Variants in UST observed in about 807,000 individuals in gnomAD.
UST encodes chondroitin sulfate 2-O-sulfotransferase.
Under a neutral mutation model 45.6 loss-of-function variants are expected in UST, and 21 were observed. The observed-to-expected ratio is 0.46, with a 90% CI of 0.33 to 0.66. UST has a LOEUF of 0.66. Among genes scored for constraint, UST ranks in the 30% least tolerant of loss-of-function variants. The pLI, the probability that UST is intolerant of heterozygous loss-of-function variation, is 0.02. For missense variants in UST, 463 were observed against 512.4 expected (o/e 0.90, Z 0.93); for synonymous variants, 215 against 200.6 (o/e 1.07, Z -0.61).
At chr6:148,838,117 G>GATAGAGTGAAGGA (rs1265243005) in intron 1 of UST, among the ~76,000 whole-genome samples, 1 of 152,214 alleles carries the variant, frequency 6.6e-6, no homozygotes, top group African/African-American at 2.4e-5. Flanking sequence ...AGCAACTAGG[G>GATAGAGTGAAGGA]ATAGAGTGAA....
At chr6:148,887,319 A>G (rs1778930286) in intron 2 of UST, among the ~76,000 whole-genome samples, 1 of 152,160 alleles carries the variant, frequency 6.6e-6, no homozygotes, top group Non-Finnish European at 1.5e-5. Flanking sequence ...CCTCATTTTC[A>G]TTTGCCTTGG....
chr6:148,754,724 TAAATA>T (rs1309320928), intron 1 of UST, among the ~76,000 whole-genome samples: 2 of 152,228 alleles, frequency 1.3e-5, no homozygotes, highest in African/African-American at 4.8e-5. Flanking sequence ...GATACTGACT[TAAATA>T]CAATACTGTT....
chr6:149,028,982 A>T (rs879442173), intron 7 of UST, among the ~76,000 whole-genome samples: 5 of 152,206 alleles, frequency 3.3e-5, no homozygotes, highest in Non-Finnish European at 4.4e-5. Context: ...ACTTCAGAAC[A>T]CTAAATTAAT....
chr6:148,999,932 TC>T (rs1781516121), intron 5 of UST, among the ~76,000 whole-genome samples: 1 of 152,144 alleles, frequency 6.6e-6, no homozygotes, highest in African/African-American at 2.4e-5. Flanking sequence ...AAAGAGGAAA[TC>T]CAAAGGATTT....
rs1273665993 is a variant in UST at position 148,829,138 on chromosome 6, CTGGGATGGA to C, written c.248-57844_248-57836del. 9.6e-5 allele frequency among the ~76,000 whole-genome samples: 13 copies of C among 135,342 alleles called. No homozygotes were observed. The South Asian group carries it at 1.3e-3, about 13-fold the overall frequency. 88.8% of individuals were successfully genotyped at this position (135,342 alleles called of 152,430 possible). On this transcript the variant is annotated intron_variant, in intron 1 of 7. Coordinates refer to ENST00000367463, the MANE Select transcript of UST (RefSeq NM_005715.3). ...CAAAGTGGACATTTCAAGTTAAGCC[CTGGGATGGA>C]TGGATGGATGGATGGATGGATGGAT...
intron 7 of UST, among the ~76,000 whole-genome samples, chr6:149,067,411 T>G (rs949849430): frequency 1.3e-5 from 2 of 152,192 alleles, no homozygotes; most frequent in Non-Finnish European, 2.9e-5. Context: ...AGTTGCCATA[T>G]TTGGCGGTCA....
chr6:149,015,033 G>A lies in UST; in HGVS notation c.682-4106G>A, dbSNP rs1360808021. On this transcript the variant is annotated intron_variant, in intron 5 of 7. Coordinates refer to ENST00000367463, the MANE Select transcript of UST (RefSeq NM_005715.3). ...ATCATCCTGTGGGGGTGAAGAGGGG[G>A]TGTGGGAGTAAGGGTGAGAGAGGCC... is the stretch of plus-strand genomic sequence containing the variant. Among the ~76,000 whole-genome samples, 4 of 152,078 alleles carry A rather than the reference G, an allele frequency of 2.6e-5. No homozygotes were observed. In the South Asian group the frequency reaches 6.2e-4, roughly 24 times the overall value.
At chr6:148,962,483 C>T (rs559042659) in intron 4 of UST, among the ~76,000 whole-genome samples, 1 of 152,352 alleles carries the variant, frequency 6.6e-6, no homozygotes, top group Non-Finnish European at 1.5e-5. Context: ...CAAGCCTTGT[C>T]TTCCTAGTCC....
intron 1 of UST, among the ~76,000 whole-genome samples, chr6:148,860,756 C>A (rs1778296993): frequency 6.6e-6 from 1 of 152,108 alleles, no homozygotes. Flanking sequence ...GAGATAATCA[C>A]ATGGTTTTTG....
At chr6:148,804,371 TG>T (rs1777109417) in intron 1 of UST, among the ~76,000 whole-genome samples, 1 of 152,190 alleles carries the variant, frequency 6.6e-6, no homozygotes, top group Non-Finnish European at 1.5e-5. Flanking sequence ...CCCTGTTGTC[TG>T]TCTGCACTGT....
intron 1 of UST, among the ~76,000 whole-genome samples, chr6:148,794,948 C>T (rs1369236427): frequency 2.0e-5 from 3 of 152,238 alleles, no homozygotes; most frequent in Non-Finnish European, 2.9e-5. Context: ...TTGACGGCTG[C>T]GTTGTCTTTT....
intron 1 of UST, among the ~76,000 whole-genome samples, chr6:148,751,910 C>T (rs1046084003): frequency 7.2e-5 from 11 of 152,192 alleles, no homozygotes; most frequent in African/African-American, 2.4e-4. Context: ...TTGATATAAA[C>T]AGAATAAGCC....
At chr6:148,751,351 G>A (rs1165417371) in intron 1 of UST, among the ~76,000 whole-genome samples, 5 of 152,162 alleles carry the variant, frequency 3.3e-5, no homozygotes, top group African/African-American at 9.7e-5. Flanking sequence ...ACCCCAGCTG[G>A]CTTTAGACCT....
intron 7 of UST, among the ~76,000 whole-genome samples, chr6:149,068,434 A>T (rs1187292023): frequency 1.3e-5 from 2 of 152,208 alleles, no homozygotes; most frequent in African/African-American, 4.8e-5. Flanking sequence ...ACAAGTGCTT[A>T]GCTCAGTGCT....
chr6:148,933,118 T>G (rs9322159), intron 2 of UST, among the ~76,000 whole-genome samples: 12,457 of 152,292 alleles, frequency 0.082, 681 homozygotes, highest in East Asian at 0.17. Flanking sequence ...ATACTTTTTC[T>G]TCTGTAACGT....
chr6:148,749,030 G>C (rs150612265), intron 1 of UST, among the ~76,000 whole-genome samples: 1 of 151,998 alleles, frequency 6.6e-6, no homozygotes, highest in Non-Finnish European at 1.5e-5. Flanking sequence ...TGTAGATGTG[G>C]ATAAAATAAT....
At chr6:148,798,694 C>T (rs1776996216) in intron 1 of UST, among the ~76,000 whole-genome samples, 2 of 151,922 alleles carry the variant, frequency 1.3e-5, no homozygotes, top group Admixed American at 1.3e-4. Flanking sequence ...GGGAGAGCTT[C>T]GAGAAGGGAT....
At chr6:148,953,195 A>G (rs891576289) in intron 3 of UST, among the ~76,000 whole-genome samples, 2 of 152,196 alleles carry the variant, frequency 1.3e-5, no homozygotes, top group African/African-American at 4.8e-5. Context: ...ATTTTTGTAT[A>G]TCCCAATAAT....
intron 1 of UST, among the ~76,000 whole-genome samples, chr6:148,766,671 C>A (rs1776330496): frequency 6.6e-6 from 1 of 152,168 alleles, no homozygotes; most frequent in African/African-American, 2.4e-5. Flanking sequence ...TTCCTAAAGG[C>A]CCTGTTGATG....
Sources: gnomAD v4.1 joint callset for allele counts (sites outside exome capture counted in the v4.1 genomes callset) on GRCh38, gnomAD v4.1.1 for gene constraint, MANE v1.5 for transcripts, NCBI Gene and HGNC (gene_info 2026-07-23, HGNC 2026-07-21) for gene names.